NKAIN3: variants seen among roughly 807,000 people sequenced by gnomAD.
NKAIN3 encodes the protein sodium/potassium-transporting ATPase subunit beta-1-interacting protein 3.
Under a neutral mutation model 30.2 loss-of-function variants are expected in NKAIN3, and 25 were observed. The observed-to-expected ratio is 0.83, with a 90% CI of 0.60 to 1.16. The LOEUF (loss-of-function observed/expected upper bound fraction) is 1.16. Ranked by LOEUF, NKAIN3 falls within the 50% of genes most tolerant of loss-of-function variation. The probability of loss-of-function intolerance (pLI) is 0.00; values close to 1 mark genes in which losing one functional copy is unlikely to be tolerated. For missense variants in NKAIN3, 225 were observed against 254.1 expected, an observed-to-expected ratio of 0.89 and a Z score of 0.78; for synonymous variants, 91 against 89.6, an observed-to-expected ratio of 1.02 and a Z score of -0.09.
rs530139515 is a variant in NKAIN3 at position 62,443,052 on chromosome 8, T to C, written c.55-136487T>C. Among the ~76,000 whole-genome samples the C allele has an allele frequency of 1.6e-4, 24 of 152,188 alleles. No homozygotes were observed. The South Asian group carries it at 5.0e-3, about 32-fold the overall frequency. ...TGTGTACTTAACATGTCTTTTCTCC[T>C]TGTCTGATATAAAATTAGGCATATA... On this transcript the variant is annotated intron_variant, in intron 1 of 6. Transcript: ENST00000623646.
chr8:62,677,272 A>G (rs1813507282), intron 3 of NKAIN3, among the ~76,000 whole-genome samples: 1 of 152,202 alleles, frequency 6.6e-6, no homozygotes, highest in South Asian at 2.1e-4. Flanking sequence ...GTACCAACCT[A>G]TGATTCACAG....
At chr8:62,301,645 T>C (rs1814053603) in intron 1 of NKAIN3, among the ~76,000 whole-genome samples, 1 of 152,034 alleles carries the variant, frequency 6.6e-6, no homozygotes, top group African/African-American at 2.4e-5. Context: ...TAGACTAAAC[T>C]TAACAGTAGC....
chr8:62,999,396 T>C (rs1563660280), exon 6 of NKAIN3: 2 of 152,204 alleles, frequency 1.3e-5, no homozygotes, highest in African/African-American at 2.4e-5. Context: ...GGTGAACTAA[T>C]AGAGTGAGAA....
chr8:62,427,995 T>C (rs887059952), intron 1 of NKAIN3, among the ~76,000 whole-genome samples: 1 of 151,924 alleles, frequency 6.6e-6, no homozygotes, highest in Non-Finnish European at 1.5e-5. Flanking sequence ...CACCCCCCAC[T>C]TGCCATTACC....
intron 1 of NKAIN3, among the ~76,000 whole-genome samples, chr8:62,418,673 G>A (rs1256896567): frequency 6.6e-6 from 1 of 152,072 alleles, no homozygotes; most frequent in Non-Finnish European, 1.5e-5. Context: ...CAGTGTTCTG[G>A]GGACGTGGTT....
In NKAIN3 at chr8:62,298,340, A is replaced by C. The variant is rs959005704; in HGVS notation, c.54+49213A>C. Among the ~76,000 whole-genome samples the C allele has an allele frequency of 3.3e-5, 5 of 152,230 alleles. No homozygotes were observed. The East Asian group carries it at 7.7e-4, about 24-fold the overall frequency. On this transcript the variant is annotated intron_variant, in intron 1 of 6. Coordinates refer to ENST00000623646, the MANE Select transcript of NKAIN3 (RefSeq NM_001304533.3). The stretch of plus-strand genomic sequence containing the variant: ...AGTATCATAATAATAAAATAAAATA[A>C]AGGATCTTTCAAAGAATACCTCTGA...
At chr8:62,958,911 T>C (rs1321623330) in intron 6 of NKAIN3, among the ~76,000 whole-genome samples, 1 of 152,182 alleles carries the variant, frequency 6.6e-6, no homozygotes, top group Admixed American at 6.5e-5. Context: ...CTAGATCTGA[T>C]TATGTTAGAA....
intron 6 of NKAIN3, among the ~76,000 whole-genome samples, chr8:62,957,061 C>G (rs1823438790): frequency 6.6e-6 from 1 of 152,180 alleles, no homozygotes; most frequent in Non-Finnish European, 1.5e-5. Flanking sequence ...ATCTAGCAAT[C>G]GAGCTCCTTG....
At chr8:62,616,643 G>A (rs6998590) in intron 3 of NKAIN3, among the ~76,000 whole-genome samples, 3,595 of 152,060 alleles carry the variant, frequency 0.024, 103 homozygotes, top group African/African-American at 0.075. Flanking sequence ...GCTTTATTAC[G>A]TAGGCATGCT....
At chr8:62,874,088 GC>G (rs1341505847) in intron 4 of NKAIN3, among the ~76,000 whole-genome samples, 14 of 151,852 alleles carry the variant, frequency 9.2e-5, no homozygotes, top group African/African-American at 3.4e-4. Context: ...TAAACCACTA[GC>G]TAGACTAATA....
Position 62,594,529 on chromosome 8 carries a change from G to C in NKAIN3, c.273+4735G>C, listed in dbSNP as rs538992012. Among the ~76,000 whole-genome samples, 19 of 152,062 alleles carry C rather than the reference G, an allele frequency of 1.2e-4. No individual in the cohort carries two copies. The South Asian group carries it at 3.7e-3, about 30-fold the overall frequency. On this transcript the variant is annotated intron_variant, in intron 3 of 6. Coordinates refer to ENST00000623646, the MANE Select transcript of NKAIN3 (RefSeq NM_001304533.3). ...CCCTCACTAATCCAAGCTATTTCCA[G>C]ACATCCTCACTTTCCTTATCTACAA...
chr8:62,489,716 G>C (rs1807011883), intron 1 of NKAIN3, among the ~76,000 whole-genome samples: 1 of 152,184 alleles, frequency 6.6e-6, no homozygotes, highest in East Asian at 1.9e-4. Flanking sequence ...TTAATATACT[G>C]TGTTTAATAT....
At chr8:62,340,615 C>T (rs1281503771) in intron 1 of NKAIN3, among the ~76,000 whole-genome samples, 1 of 151,842 alleles carries the variant, frequency 6.6e-6, no homozygotes, top group Non-Finnish European at 1.5e-5. Context: ...GCAGTAATGG[C>T]CAAAAAGCAG....
At position 62,616,344 on chromosome 8, in the gene NKAIN3, G is replaced by T. The variant is rs146519640; in HGVS notation, c.273+26550G>T. ...TTCTGTCCAGCCAACTAAAAATTCA[G>T]GGGTTCTCTCGACCACTCCTCAGGT... On this transcript the variant is annotated intron_variant, in intron 3 of 6. Transcript: ENST00000623646. Among the ~76,000 whole-genome samples the T allele has an allele frequency of 7.9e-5, 12 of 152,158 alleles. No individual in the cohort carries two copies. The East Asian group carries it at 2.3e-3, about 30-fold the overall frequency.
intron 3 of NKAIN3, among the ~76,000 whole-genome samples, chr8:62,673,622 A>G (rs1813380345): frequency 6.6e-6 from 1 of 152,222 alleles, no homozygotes; most frequent in South Asian, 2.1e-4. Flanking sequence ...TTTCATCATT[A>G]TGCAGTCATT....
chr8:62,767,725 C>T (rs2130629941), intron 4 of NKAIN3, among the ~76,000 whole-genome samples: 1 of 152,092 alleles, frequency 6.6e-6, no homozygotes, highest in Non-Finnish European at 1.5e-5. Flanking sequence ...AACGCAGGAA[C>T]ATCATCTACA....
chr8:62,564,738 T>A (rs1809695989), intron 1 of NKAIN3, among the ~76,000 whole-genome samples: 1 of 152,202 alleles, frequency 6.6e-6, no homozygotes, highest in African/African-American at 2.4e-5. Context: ...CTTGATGTTT[T>A]GTTTCAGTAT....
chr8:62,798,887 G>A (rs1817959572), intron 4 of NKAIN3, among the ~76,000 whole-genome samples: 1 of 152,122 alleles, frequency 6.6e-6, no homozygotes, highest in East Asian at 1.9e-4. Flanking sequence ...CAGAGGCAGT[G>A]TCCTAACCAC....
rs142769486 is a variant in NKAIN3, at chr8:62,713,558, CAAT to C, written c.274-33373_274-33371del. 3.1e-3 allele frequency among the ~76,000 whole-genome samples: 468 copies of C among 152,286 alleles called. 5 individuals are homozygous for C. Among genetic ancestry groups the C allele is most frequent in the African/African-American group, 0.011 (446 of 41,574 alleles). Reference sequence around the variant, plus strand: ...CCAACAAACACTTATTGAGCAACAACAATGTCACTAATAAACACCAAGATTAAT... The same window carrying C: ...CCAACAAACACTTATTGAGCAACAACGTCACTAATAAACACCAAGATTAAT... On this transcript the variant is annotated intron_variant, in intron 3 of 6. Coordinates refer to ENST00000623646, the MANE Select transcript of NKAIN3 (RefSeq NM_001304533.3).
Sources: gnomAD v4.1 joint callset for allele counts (sites outside exome capture counted in the v4.1 genomes callset) on GRCh38, gnomAD v4.1.1 for gene constraint, MANE v1.5 for transcripts, NCBI Gene and HGNC (gene_info 2026-07-23, HGNC 2026-07-21) for gene names.